FBN3: variants seen among roughly 807,000 people sequenced by gnomAD.
FBN3 encodes the protein fibrillin 3, also known as fibrillin-3.
A neutral mutation model predicts 330.1 loss-of-function variants in FBN3; 234 were observed. The ratio of observed to expected loss-of-function variants is 0.71; its 90% CI spans 0.64 to 0.79. The LOEUF (loss-of-function observed/expected upper bound fraction) is 0.79, where lower values mean the gene tolerates loss of function less well. Ranked by LOEUF, FBN3 falls within the 30% of genes least tolerant of loss-of-function variation. The pLI, the probability that FBN3 is intolerant of heterozygous loss-of-function variation, is 0.00. For missense variants in FBN3, 3,606 were observed against 3,886.9 expected, an observed-to-expected ratio of 0.93 and a Z score of 1.92; for synonymous variants, 1,458 against 1,517.3, an observed-to-expected ratio of 0.96 and a Z score of 0.91.
At chr19:8,094,199 C>T (rs1262023293) in intron 47 of FBN3, among the ~76,000 whole-genome samples, 3 of 152,160 alleles carry the variant, frequency 2.0e-5, no homozygotes, top group African/African-American at 7.2e-5. Flanking sequence ...CACTGAGAAA[C>T]GGTGAGACCC....
rs200853997 is a variant in FBN3 at position 8,116,651 on chromosome 19, G to A, written c.3712+23C>T. ...TGACACTGCCTCCTCCACCCGCCCCGCCCCACCGTCCCGGCTCCTCACCAA... is the reference window on the plus strand; with the variant it reads ...TGACACTGCCTCCTCCACCCGCCCCACCCCACCGTCCCGGCTCCTCACCAA... On this transcript the variant is annotated intron_variant, in intron 29 of 63. Transcript: ENST00000600128. 3.4e-5 allele frequency: 29 copies of A among 857,238 alleles called. No individual in the cohort carries two copies. The East Asian group carries it at 5.8e-4, about 17-fold the overall frequency. The allele number at this position is 857,238 out of a possible 1,614,324, so 53.1% of individuals were successfully genotyped here. A position where few individuals can be genotyped will look rare whatever the true frequency, so the allele number is the denominator to read the frequency against.
chr19:8,113,812 C>T (rs181917787), intron 30 of FBN3, among the ~76,000 whole-genome samples: 1 of 143,060 alleles, frequency 7.0e-6, no homozygotes, highest in Admixed American at 7.4e-5. Flanking sequence ...CAAGACCAAC[C>T]CGGGCGACAT....
At chr19:8,138,654 G>A (rs2083344244) in intron 8 of FBN3, 90 bp from the exon 9 acceptor site, 3 of 1,368,164 alleles carry the variant, frequency 2.2e-6, no homozygotes, top group African/African-American at 1.4e-5. Flanking sequence ...ACTGCCTGTA[G>A]GACGGGTCTG....
In FBN3 at chr19:8,126,375, G is replaced by C. The variant is rs757826994; in HGVS notation, c.2555-28C>G. The C allele has an allele frequency of 1.9e-6, 3 of 1,585,082 alleles. No homozygotes were observed. The South Asian group carries it at 3.4e-5, about 18-fold the overall frequency. On this transcript the variant is annotated intron_variant, in intron 20 of 63. Coordinates refer to ENST00000600128, the MANE Select transcript of FBN3 (RefSeq NM_032447.5). The stretch of plus-strand genomic sequence containing the variant: ...GCAACTGGGAGAACAAGAGTGAAGA[G>C]AGGAGTCATTTTCTCATGCCAGCCC...
chr19:8,135,940 A>ACCCCCCCCACCCAC, intron 13 of FBN3, 21 bp downstream of exon 13: 1 of 168,344 alleles, frequency 5.9e-6, no homozygotes, highest in East Asian at 2.5e-4. Flanking sequence ...GCCCCTGCCC[A>ACCCCCCCCACCCAC]CCCGCCCACC....
At chr19:8,074,961 T>G (rs2081605252) in intron 61 of FBN3, 110 bp downstream of exon 61, 6 of 1,432,120 alleles carry the variant, frequency 4.2e-6, no homozygotes, top group Non-Finnish European at 5.6e-6. Context: ...CTGTTCAATC[T>G]TTAGATAATT....
chr19:8,111,999 C>T lies in FBN3; in HGVS notation c.3939G>A (p.Val1313=). 1.2e-6 allele frequency: 2 copies of T among 1,610,672 alleles called. No individual in the cohort carries two copies. Among genetic ancestry groups the T allele is most frequent in the Non-Finnish European group, 1.7e-6 (2 of 1,178,424 alleles). The change falls in exon 31 of 64, where the codon GTG becomes GTA. Residue 1313 remains valine (V), a synonymous_variant. Coordinates refer to ENST00000600128, the MANE Select transcript of FBN3 (RefSeq NM_032447.5). Reference sequence around the variant, plus strand: ...CACCGTGACATTCGAAGCCATCCCCCACCCAGCCTGGCAGGCACCTACAGC... The same window carrying T: ...CACCGTGACATTCGAAGCCATCCCCTACCCAGCCTGGCAGGCACCTACAGC... ...SFSCRCLPGW[V]GDGFECHDLD...
At chr19:8,126,075 C>T (rs2082974725) in intron 21 of FBN3, 58 bp from the exon 22 acceptor site, 2 of 1,609,918 alleles carry the variant, frequency 1.2e-6, no homozygotes, top group Admixed American at 1.7e-5. Context: ...GCTGGCTGGC[C>T]ATTCCCCTGG....
chr19:8,092,651 A>G (rs1480648897), intron 47 of FBN3, among the ~76,000 whole-genome samples: 2 of 135,746 alleles, frequency 1.5e-5, no homozygotes, highest in East Asian at 2.6e-4. Context: ...GGAGGTGGAT[A>G]TTGCAGTGAG....
rs2081559798 is a variant in FBN3, at chr19:8,073,101, C to T, written c.7899G>A (p.Leu2633=). 1 of 1,613,260 alleles carries T rather than the reference C, an allele frequency of 6.2e-7. No homozygotes were observed. Among genetic ancestry groups the T allele is most frequent in the African/African-American group, 1.3e-5 (1 of 74,980 alleles). Reference sequence around the variant, plus strand: ...GGAAGTAGCCTTGAGGACAGCCGCACAGGAAGCCACCAGGCGTGTTGGCAC... The same window carrying T: ...GGAAGTAGCCTTGAGGACAGCCGCATAGGAAGCCACCAGGCGTGTTGGCAC... ...YSCANTPGGF[L]CGCPQGYFRA... The change falls in exon 62 of 64, where the codon CTG becomes CTA. Residue 2633 remains leucine, a synonymous_variant. Transcript: ENST00000600128.
intron 26 of FBN3, 137 bp from the exon 27 acceptor site, chr19:8,117,726 G>A (rs1054354681): frequency 1.5e-5 from 15 of 1,001,476 alleles, no homozygotes; most frequent in South Asian, 5.1e-5. Flanking sequence ...GTGCCTATCC[G>A]TACACTTGCA....
chr19:8,080,756 A>G, intron 59 of FBN3, among the ~76,000 whole-genome samples: 1 of 151,896 alleles, frequency 6.6e-6, no homozygotes, highest in East Asian at 1.9e-4. Flanking sequence ...AGTTGCTGGG[A>G]TTACAGGCAC....
chr19:8,085,336 G>A (rs752223593), intron 56 of FBN3, 27 bp downstream of exon 56: 3 of 1,545,298 alleles, frequency 1.9e-6, no homozygotes, highest in Non-Finnish European at 2.6e-6. Flanking sequence ...TTGCCTCCCT[G>A]GGGGTCCTGA....
At chr19:8,076,133 C>T (rs1342211279) in intron 59 of FBN3, among the ~76,000 whole-genome samples, 1 of 152,098 alleles carries the variant, frequency 6.6e-6, no homozygotes, top group Non-Finnish European at 1.5e-5. Context: ...AAGAAGAGAG[C>T]CCTCACAGAA....
At chr19:8,148,525 C>T (rs140206421) in intron 1 of FBN3, among the ~76,000 whole-genome samples, 1 of 152,200 alleles carries the variant, frequency 6.6e-6, no homozygotes, top group Non-Finnish European at 1.5e-5. Context: ...CTCCTGCCCC[C>T]CTTGGCTGGG....
In FBN3 at chr19:8,078,537, G is replaced by A. The variant is rs532329672; in HGVS notation, c.7453+2466C>T. 1.5e-3 allele frequency among the ~76,000 whole-genome samples: 224 copies of A among 151,952 alleles called. 1 individual carries two copies. Among genetic ancestry groups the A allele is most frequent in the African/African-American group, 5.0e-3 (206 of 41,430 alleles). The stretch of plus-strand genomic sequence containing the variant: ...CACGGATGTTACCCATGTGATGCAC[G>A]GCCCTGGTCCATGCAGCTGCTCACA... On this transcript the variant is annotated intron_variant, in intron 59 of 63. Transcript: ENST00000600128.
At chr19:8,126,943 A>G in intron 18 of FBN3, 111 bp from the exon 19 acceptor site, 1 of 1,264,902 alleles carries the variant, frequency 7.9e-7, no homozygotes, top group East Asian at 2.5e-5. Context: ...GGGTGCACCC[A>G]GATGCACAAG....
Position 8,149,182 on chromosome 19 carries a change from C to A in FBN3, c.-18+267G>T, listed in dbSNP as rs1350332459. On this transcript the variant is annotated intron_variant, in intron 1 of 63. Transcript: ENST00000600128. This position sits in a 1 kb window ranked among gnomAD's most constrained non-coding sequence, Gnocchi z 5.5. ...ATCTCCACCCGGCAGGGCCCCCGGC[C>A]GCGACCACGCTTGGCTCCGCCCTCA... Among the ~76,000 whole-genome samples, 1 of 151,950 alleles carries A rather than the reference C, an allele frequency of 6.6e-6. No individual in the cohort carries two copies. The highest frequency in any genetic ancestry group is 1.5e-5 in the Non-Finnish European group (1 of 67,948).
rs755118035 is a variant in FBN3 at position 8,110,863 on chromosome 19, C to T, written c.4315G>A (p.Gly1439Arg). The change falls in exon 34 of 64, where the codon GGG (glycine) becomes AGG (arginine). Residue 1439 changes from glycine to arginine, a missense_variant. Coordinates refer to ENST00000600128, the MANE Select transcript of FBN3 (RefSeq NM_032447.5). ...ICNGGYELDRGGGNCTDINEC... is the reference protein window; with the variant it reads ...ICNGGYELDRRGGNCTDINEC... ...CTCACACCTGTGCAGTTGCCACCCC[C>T]TCGGTCCAGTTCGTAGCCACCATTG... The T allele has an allele frequency of 6.8e-6, 11 of 1,614,116 alleles. No individual in the cohort carries two copies. The highest frequency in any genetic ancestry group is 1.6e-4 in the Middle Eastern group (1 of 6,082).
Sources: gnomAD v4.1 joint callset for allele counts (sites outside exome capture counted in the v4.1 genomes callset) on GRCh38, gnomAD v4.1.1 for gene constraint, Gnocchi (gnomAD v3.1) non-coding constraint, MANE v1.5 for transcripts, NCBI Gene and HGNC (gene_info 2026-07-23, HGNC 2026-07-21) for gene names.